The following CNBD1 variants were observed in gnomAD, a reference collection of about 807,000 sequenced individuals.
CNBD1 encodes the protein cyclic nucleotide-binding domain-containing protein 1.
Under a neutral mutation model 54.4 loss-of-function variants are expected in CNBD1, and 71 were observed. That is an observed-to-expected ratio of 1.30 (90% CI 1.08 to 1.59). The LOEUF (loss-of-function observed/expected upper bound fraction) is 1.59, where lower values mean the gene tolerates loss of function less well. Ranked by LOEUF, CNBD1 falls within the 40% of genes most tolerant of loss-of-function variation. The pLI is 0.00. For missense variants in CNBD1, 659 were observed against 518.0 expected (o/e 1.27, Z -2.64); for synonymous variants, 182 against 170.7 (o/e 1.07, Z -0.51).
intron 1 of CNBD1, among the ~76,000 whole-genome samples, chr8:86,874,792 A>G (rs770055088): frequency 6.6e-6 from 1 of 151,496 alleles, no homozygotes; most frequent in Non-Finnish European, 1.5e-5. Flanking sequence ...GGATTTTTCA[A>G]GCTCTTTTCA....
At chr8:86,898,183 T>A (rs1361784037) in intron 2 of CNBD1, among the ~76,000 whole-genome samples, 1 of 152,156 alleles carries the variant, frequency 6.6e-6, no homozygotes, top group Admixed American at 6.6e-5. Context: ...TCTGTAAATA[T>A]CTACTGGTTC....
chr8:87,109,665 A>C (rs1380533309), intron 4 of CNBD1, among the ~76,000 whole-genome samples: 1 of 151,022 alleles, frequency 6.6e-6, no homozygotes, highest in African/African-American at 2.4e-5. Context: ...CAGCCTCCCG[A>C]GTAGCTGGGA....
intron 2 of CNBD1, among the ~76,000 whole-genome samples, chr8:87,398,418 T>G (rs1811446124): frequency 6.6e-6 from 1 of 151,886 alleles, no homozygotes; most frequent in South Asian, 2.1e-4. Context: ...TGGACCAGTT[T>G]GTTGATATGT....
intron 5 of CNBD1, among the ~76,000 whole-genome samples, chr8:87,217,573 CTT>C (rs35123267): frequency 0.14 from 20,326 of 144,820 alleles, 1,687 homozygotes; most frequent in Non-Finnish European, 0.19. Flanking sequence ...TTTTATTAAG[CTT>C]TTTTTTTTTT....
At chr8:86,962,081 C>T (rs1204486528) in intron 4 of CNBD1, among the ~76,000 whole-genome samples, 3 of 151,736 alleles carry the variant, frequency 2.0e-5, no homozygotes, top group African/African-American at 7.3e-5. Context: ...ACTTGTAATC[C>T]CTGGCACTCC....
chr8:87,019,197 T>A (rs1809431101), intron 4 of CNBD1, among the ~76,000 whole-genome samples: 1 of 152,206 alleles, frequency 6.6e-6, no homozygotes, highest in South Asian at 2.1e-4. Context: ...AACAAGTCAG[T>A]CTTACAGCTT....
chr8:86,956,312 G>A (rs1211650874), intron 4 of CNBD1, among the ~76,000 whole-genome samples: 1 of 151,622 alleles, frequency 6.6e-6, no homozygotes, highest in East Asian at 1.9e-4. Context: ...TTGGCTATGT[G>A]TGCTCTTTTT....
intron 4 of CNBD1, among the ~76,000 whole-genome samples, chr8:87,079,505 G>A (rs958217943): frequency 6.6e-6 from 1 of 151,808 alleles, no homozygotes; most frequent in Admixed American, 6.6e-5. Flanking sequence ...TTTTAATATA[G>A]CTATTCTAAT....
In CNBD1 at chr8:87,382,660, G is replaced by C. The variant is rs1811104244; in HGVS notation, c.*33G>C. 1 of 1,468,996 alleles carries C rather than the reference G, an allele frequency of 6.8e-7. No individual in the cohort carries two copies. Among genetic ancestry groups the C allele is most frequent in the African/African-American group, 1.4e-5 (1 of 71,178 alleles). 91.0% of individuals were successfully genotyped at this position (1,468,996 alleles called of 1,614,324 possible). A position where few individuals can be genotyped will look rare whatever the true frequency, so the allele number is the denominator to read the frequency against. ...AACAACCTCAGTGAACATTAATTAA[G>C]AAAGTATTGACTAAATAATGGAATA... On this transcript the variant is annotated 3_prime_UTR_variant, in exon 11 of 11. Coordinates refer to ENST00000518476, the MANE Select transcript of CNBD1 (RefSeq NM_173538.3).
intron 4 of CNBD1, among the ~76,000 whole-genome samples, chr8:87,012,794 C>T (rs1809251847): frequency 6.6e-6 from 1 of 152,140 alleles, no homozygotes; most frequent in Non-Finnish European, 1.5e-5. Context: ...TTACCTATAG[C>T]CTGGAAGCCC....
chr8:87,299,748 C>T (rs764107036), intron 8 of CNBD1, among the ~76,000 whole-genome samples: 8 of 152,184 alleles, frequency 5.3e-5, no homozygotes, highest in Non-Finnish European at 8.8e-5. Context: ...GAAAAAGGTA[C>T]TACTTTCTCA....
At chr8:87,356,002 T>A (rs759762157) in intron 10 of CNBD1, among the ~76,000 whole-genome samples, 6 of 152,038 alleles carry the variant, frequency 3.9e-5, no homozygotes, top group Admixed American at 2.6e-4. Flanking sequence ...TTGCTCCTTC[T>A]TTCACCATGT....
chr8:87,415,446 G>A (rs1807819142), intron 2 of CNBD1, among the ~76,000 whole-genome samples: 3 of 151,880 alleles, frequency 2.0e-5, no homozygotes, highest in Non-Finnish European at 4.4e-5. Context: ...TTTATCTACT[G>A]GTGAAATTTC....
In CNBD1 at chr8:87,418,414, G is replaced by A. The variant is rs116379581; in HGVS notation, c.214-10132G>A. 3.0e-3 allele frequency among the ~76,000 whole-genome samples: 450 copies of A among 151,988 alleles called. 6 individuals carry two copies. The highest frequency in any genetic ancestry group is 0.01 in the African/African-American group (428 of 41,526). ...TAACAAGTCGAAAAATTCTTAGAAG[G>A]AAGCATAGATGTAAATGTTTATAAC... On this transcript the variant is annotated intron_variant, in intron 2 of 7. Coordinates refer to the CNBD1 transcript ENST00000521593.
chr8:86,959,838 G>C (rs1047362793), intron 4 of CNBD1, among the ~76,000 whole-genome samples: 3 of 152,140 alleles, frequency 2.0e-5, no homozygotes, highest in African/African-American at 7.2e-5. Flanking sequence ...CTGATCATCT[G>C]AAGCCTTCTT....
At chr8:87,225,302 G>A (rs1244479027) in intron 5 of CNBD1, among the ~76,000 whole-genome samples, 5 of 149,498 alleles carry the variant, frequency 3.3e-5, no homozygotes, top group African/African-American at 7.4e-5. Context: ...TGGTGAGAGA[G>A]GGCATCCCTG....
chr8:87,426,470 C>A (rs1199702585), intron 2 of CNBD1, among the ~76,000 whole-genome samples: 1 of 152,126 alleles, frequency 6.6e-6, no homozygotes, highest in Non-Finnish European at 1.5e-5. Flanking sequence ...AGTTTCACAA[C>A]CATAAAATTG....
intron 4 of CNBD1, among the ~76,000 whole-genome samples, chr8:87,057,110 T>C (rs915672496): frequency 6.6e-6 from 1 of 152,218 alleles, no homozygotes; most frequent in Non-Finnish European, 1.5e-5. Context: ...CAACCTGCCA[T>C]GTTGTGACTA....
rs139774401 is a variant in CNBD1, at chr8:87,413,436, A to G, written c.214-15110A>G. On this transcript the variant is annotated intron_variant, in intron 2 of 7. Transcript: ENST00000521593. The stretch of plus-strand genomic sequence containing the variant: ...TATTTACCTTGGTAGATTTAATACT[A>G]TGACTCAATTAAATCCCTTGAAGTT... 3.0e-3 allele frequency among the ~76,000 whole-genome samples: 460 copies of G among 152,246 alleles called. 5 individuals carry two copies. The highest frequency in any genetic ancestry group is 9.9e-3 in the African/African-American group (413 of 41,570).
Sources: allele counts gnomAD v4.1 joint callset (sites outside exome capture counted in the v4.1 genomes callset), GRCh38; gene constraint gnomAD v4.1.1; transcripts MANE v1.5; gene names NCBI Gene and HGNC (gene_info 2026-07-23, HGNC 2026-07-21).